Variants in C5orf58 observed in about 807,000 individuals in gnomAD.
C5orf58 encodes chromosome 5 open reading frame 58, also known as putative uncharacterized protein C5orf58.
C5orf58 carries 2 observed loss-of-function variants against 2.9 expected under a neutral mutation model. The ratio of observed to expected loss-of-function variants is 0.69; its 90% CI spans 0.28 to 2.18. The LOEUF is 2.18. Ranked by LOEUF, C5orf58 falls within the 30% of genes most tolerant of loss-of-function variation. C5orf58 has a pLI of 0.13. For missense variants in C5orf58, 96 were observed against 91.7 expected (o/e 1.05, Z -0.19); for synonymous variants, 37 against 33.4 (o/e 1.11, Z -0.37).
rs200111034 is a variant in C5orf58, at chr5:170,234,157, C to A, written c.-42C>A. ...TGAAATGAGAGAAATTGCAGAAATT[C>A]TCCCTGCTCAGGAAAAGGTAGAGGC... On this transcript the variant is annotated 5_prime_UTR_variant, in exon 2 of 4. Coordinates refer to ENST00000593851, the MANE Select transcript of C5orf58 (RefSeq NM_001102609.3). The A allele has an allele frequency of 1.5e-4, 205 of 1,367,596 alleles. No individual in the cohort carries two copies. The Middle Eastern group carries it at 3.8e-3, about 25-fold the overall frequency. 84.7% of individuals were successfully genotyped at this position (1,367,596 alleles called of 1,614,324 possible).
rs758731380 is a variant in C5orf58 at position 170,235,051 on chromosome 5, G to A, written c.75G>A (p.Ser25=). Reference sequence around the variant, plus strand: ...TTAAAAATATTAACACAATTTCTTCGGAGTTGAAGAAGATAAAAGGTAAGT... The same window carrying A: ...TTAAAAATATTAACACAATTTCTTCAGAGTTGAAGAAGATAAAAGGTAAGT... The part of the protein sequence containing the change: ...KVIKNINTIS[S]ELKKIKELSQ... Residue 25 remains serine, a synonymous_variant, in exon 3 of 4, where the codon TCG becomes TCA. Coordinates refer to ENST00000593851, the MANE Select transcript of C5orf58 (RefSeq NM_001102609.3). 16 of 1,495,120 alleles carry A rather than the reference G, an allele frequency of 1.1e-5. No individual in the cohort carries two copies. The highest frequency in any genetic ancestry group is 1.7e-4 in the Middle Eastern group (1 of 5,854). The allele number at this position is 1,495,120 out of a possible 1,614,324, so 92.6% of individuals were successfully genotyped here.
chr5:170,243,618 T>C lies in C5orf58; in HGVS notation c.95-2344T>C, dbSNP rs867183482. ...ATCGCAACCCCTGCCTTTTTTTGTT[T>C]TCCATTTGCTTGGTAGATCTTCCTC... On this transcript the variant is annotated intron_variant, in intron 3 of 3. Coordinates refer to ENST00000593851, the MANE Select transcript of C5orf58 (RefSeq NM_001102609.3). Among the ~76,000 whole-genome samples, 130 of 150,412 alleles carry C rather than the reference T, an allele frequency of 8.6e-4. 1 individual carries two copies. In the Middle Eastern group the frequency reaches 0.01, roughly 12 times the overall value.
downstream of C5orf58, chr5:170,248,904 A>G (rs1211945440): frequency 1.7e-5 from 22 of 1,331,146 alleles, no homozygotes; most frequent in Non-Finnish European, 2.2e-5. Flanking sequence ...TGCATAATAT[A>G]TGCTGCCTCT....
At chr5:170,233,028 G>C (rs1055124353) in intron 1 of C5orf58, 21 bp downstream of exon 1, 1 of 950,542 alleles carries the variant, frequency 1.1e-6, no homozygotes, top group African/African-American at 1.8e-5. Context: ...ACGGCTGCTC[G>C]GTCTTGAAGG....
chr5:170,239,287 A>T (rs931539249), intron 3 of C5orf58, among the ~76,000 whole-genome samples: 2 of 152,200 alleles, frequency 1.3e-5, no homozygotes, highest in Admixed American at 1.3e-4. Context: ...TTTAAACATT[A>T]GATAATTGAG....
Position 170,239,773 on chromosome 5 carries a change from CTTA to C in C5orf58, c.94+4706_94+4708del, listed in dbSNP as rs556911961. 2.2e-3 allele frequency among the ~76,000 whole-genome samples: 327 copies of C among 151,680 alleles called. 3 individuals carry two copies. Among genetic ancestry groups the C allele is most frequent in the African/African-American group, 7.6e-3 (313 of 41,300 alleles). ...ATGCTTATTTTGTAATAACATAAAT[CTTA>C]TTTTTTTTTTAATTATACTTTAAGT... On this transcript the variant is annotated intron_variant, in intron 3 of 3. Transcript: ENST00000593851.
At chr5:170,249,973 G>A (rs542077975), downstream of C5orf58, among the ~76,000 whole-genome samples, 16 of 152,242 alleles carry the variant, frequency 1.1e-4, no homozygotes, top group East Asian at 1.5e-3. Context: ...GCCAACCAGC[G>A]ATTCAAACAT....
intron 3 of C5orf58, among the ~76,000 whole-genome samples, chr5:170,242,214 A>T (rs1029112136): frequency 2.7e-5 from 4 of 148,544 alleles, no homozygotes; most frequent in African/African-American, 5.0e-5. Context: ...ATCAATGTTC[A>T]TCAAGGATAT....
At chr5:170,247,866 G>C (rs1561963572), downstream of C5orf58, 1 of 152,288 alleles carries the variant, frequency 6.6e-6, no homozygotes, top group Non-Finnish European at 1.5e-5. Flanking sequence ...GGAGAAGGTT[G>C]GTGGGGGGCT....
downstream of C5orf58, chr5:170,248,533 A>G: frequency 1.4e-6 from 1 of 702,118 alleles, no homozygotes; most frequent in Non-Finnish European, 2.5e-6. Context: ...GGGATAGTTG[A>G]CAGTCTTCAT....
chr5:170,248,425 A>ATCT, downstream of C5orf58: 1 of 292,298 alleles, frequency 3.4e-6, no homozygotes, highest in Non-Finnish European at 6.4e-6. Flanking sequence ...GCATTAAATA[A>ATCT]TCTTTTAAAA....
At position 170,237,757 on chromosome 5, in the gene C5orf58, C is replaced by T. The variant is rs10060749; in HGVS notation, c.94+2687C>T. On this transcript the variant is annotated intron_variant, in intron 3 of 3. Transcript: ENST00000593851. The stretch of plus-strand genomic sequence containing the variant: ...GCCCTCTGCATAGCTGGGCAGCTAT[C>T]CCTTCACTGTGACAAAAGACTTGAG... Among the ~76,000 whole-genome samples the T allele has an allele frequency of 3.2e-3, 494 of 152,238 alleles. 2 individuals carry two copies. Among genetic ancestry groups the T allele is most frequent in the Non-Finnish European group, 5.7e-3 (391 of 68,006 alleles).
chr5:170,238,349 G>C (rs982838027), intron 3 of C5orf58, among the ~76,000 whole-genome samples: 43 of 152,194 alleles, frequency 2.8e-4, no homozygotes, highest in African/African-American at 1.0e-3. Flanking sequence ...TGTGACCATA[G>C]ACATGAAAAA....
downstream of C5orf58, among the ~76,000 whole-genome samples, chr5:170,249,291 G>A (rs4867952): frequency 0.11 from 17,287 of 150,708 alleles, 1,080 homozygotes; most frequent in African/African-American, 0.12. Context: ...CGCCATTGCC[G>A]CACTCCAGCC....
downstream of C5orf58, among the ~76,000 whole-genome samples, chr5:170,249,198 G>C (rs4867951): frequency 6.6e-6 from 1 of 151,832 alleles, no homozygotes; most frequent in African/African-American, 2.4e-5. Flanking sequence ...GCTGGTGTGC[G>C]CCTGTAATCC....
chr5:170,238,490 T>C (rs1353361529), intron 3 of C5orf58, among the ~76,000 whole-genome samples: 1 of 152,002 alleles, frequency 6.6e-6, no homozygotes, highest in East Asian at 1.9e-4. Flanking sequence ...ATCCAACAAA[T>C]AAGAGTGTTA....
intron 3 of C5orf58, among the ~76,000 whole-genome samples, chr5:170,236,079 G>A (rs180756269): frequency 6.6e-6 from 1 of 152,160 alleles, no homozygotes; most frequent in Non-Finnish European, 1.5e-5. Context: ...TCATTGGCCA[G>A]ATTTGCATCA....
At chr5:170,251,733 C>G (rs1457824574) in exon 3 of C5orf58, 1 of 450,008 alleles carries the variant, frequency 2.2e-6, no homozygotes, top group African/African-American at 2.0e-5. Flanking sequence ...TTAGAATTAC[C>G]TGGGAAGTTT....
chr5:170,236,473 T>C (rs1179175021), intron 3 of C5orf58, among the ~76,000 whole-genome samples: 1 of 152,174 alleles, frequency 6.6e-6, no homozygotes, highest in East Asian at 1.9e-4. Context: ...AATTCATCAT[T>C]TCTCAAAACC....
Sources: allele counts gnomAD v4.1 joint callset (sites outside exome capture counted in the v4.1 genomes callset), GRCh38; gene constraint gnomAD v4.1.1; transcripts MANE v1.5; gene names NCBI Gene and HGNC (gene_info 2026-07-23, HGNC 2026-07-21).